PIWIL3: variants seen among roughly 807,000 people sequenced by gnomAD.
PIWIL3 encodes the protein piwi like RNA-mediated gene silencing 3.
PIWIL3 carries 101 observed loss-of-function variants against 109.7 expected under a neutral mutation model. The observed-to-expected ratio is 0.92, with a 90% CI of 0.78 to 1.09. The LOEUF is 1.09. Ranked by LOEUF, PIWIL3 falls within the 50% of genes least tolerant of loss-of-function variation. PIWIL3 has a pLI of 0.00. For synonymous variants in PIWIL3, 373 were observed against 376.4 expected (o/e 0.99, Z 0.10); for missense variants, 1,031 against 1,072.6 (o/e 0.96, Z 0.54).
At chr22:24,760,404 A>G (rs1462402234) in intron 2 of PIWIL3, among the ~76,000 whole-genome samples, 1 of 152,206 alleles carries the variant, frequency 6.6e-6, no homozygotes, top group African/African-American at 2.4e-5. Flanking sequence ...TGAGGCAGCC[A>G]GTGTGGCTGG....
chr22:24,755,934 G>C (rs748001025), intron 5 of PIWIL3, 29 bp from the exon 6 acceptor site: 1 of 1,579,470 alleles, frequency 6.3e-7, no homozygotes, highest in South Asian at 1.1e-5. Context: ...AAAAAAAAAA[G>C]TCCAGATATT....
At chr22:24,728,912 AAAC>A (rs901773949) in intron 14 of PIWIL3, among the ~76,000 whole-genome samples, 1 of 152,182 alleles carries the variant, frequency 6.6e-6, no homozygotes, top group Non-Finnish European at 1.5e-5. Context: ...AAAAAACAAA[AAAC>A]AAAAAACAGT....
chr22:24,734,632 G>A (rs1923548853), intron 13 of PIWIL3, among the ~76,000 whole-genome samples: 1 of 152,134 alleles, frequency 6.6e-6, no homozygotes, highest in Non-Finnish European at 1.5e-5. Context: ...CCCAGTCACA[G>A]GAGGGTCCCC....
chr22:24,752,632 CCA>C (rs1924780649), intron 8 of PIWIL3, among the ~76,000 whole-genome samples: 1 of 152,148 alleles, frequency 6.6e-6, no homozygotes, highest in African/African-American at 2.4e-5. Flanking sequence ...GCTCCTAAAC[CCA>C]CACTTTGTGG....
intron 16 of PIWIL3, among the ~76,000 whole-genome samples, chr22:24,726,441 C>T (rs1321621476): frequency 6.6e-6 from 1 of 152,132 alleles, no homozygotes; most frequent in African/African-American, 2.4e-5. Flanking sequence ...CACCACCATG[C>T]CTGGCTAATT....
In PIWIL3 at chr22:24,762,464, T is replaced by C. The variant is rs770485846; in HGVS notation, c.36A>G (p.Arg12=). The C allele has an allele frequency of 2.5e-6, 4 of 1,613,790 alleles. No individual in the cohort carries two copies. In the African/African-American group the frequency reaches 5.3e-5, roughly 22 times the overall value. The change falls in exon 2 of 21, where the codon AGA becomes AGG. Residue 12 remains arginine (R), a synonymous_variant. Transcript: ENST00000616349. ...PGRARTRARG[R]ARRRESYQQE... ...GTTGGTAGCTCTCCCTGCGGCGGGC[T>C]CTGCCTCGGGCGCGAGTCCTTGCCC...
intron 14 of PIWIL3, among the ~76,000 whole-genome samples, chr22:24,732,629 C>T (rs931131571): frequency 6.6e-6 from 1 of 152,096 alleles, no homozygotes; most frequent in Admixed American, 6.6e-5. Flanking sequence ...CGAGACCATC[C>T]TGGCTAACAC....
Position 24,754,073 on chromosome 22 carries a change from C to T in PIWIL3, c.918G>A (p.Gln306=). ...DFIKRTSAQA[Q]TGNIREEVTN... ...TTACTTCCTCTCGGATGTTTCCTGT[C>T]TGGGCCTGGGCAGATGTTCTCTTTA... The change falls in exon 8 of 21, where the codon CAG becomes CAA. Residue 306 remains glutamine, a synonymous_variant. Transcript: ENST00000616349. 1.2e-6 allele frequency: 2 copies of T among 1,612,994 alleles called. No homozygotes were observed. The highest frequency in any genetic ancestry group is 2.7e-5 in the African/African-American group (2 of 74,996).
At chr22:24,774,030 T>A (rs945988794) in intron 1 of PIWIL3, among the ~76,000 whole-genome samples, 1 of 152,140 alleles carries the variant, frequency 6.6e-6, no homozygotes, top group African/African-American at 2.4e-5. Flanking sequence ...TCTAGATTTT[T>A]AAAATAAATA....
chr22:24,720,165 C>T (rs1012913294), intron 19 of PIWIL3, among the ~76,000 whole-genome samples: 1 of 150,072 alleles, frequency 6.7e-6, no homozygotes, highest in South Asian at 2.1e-4. Flanking sequence ...AAGATTGGCA[C>T]ATTTGATCTG....
chr22:24,751,019 G>C (rs1019266053), intron 9 of PIWIL3, among the ~76,000 whole-genome samples: 20 of 151,962 alleles, frequency 1.3e-4, no homozygotes, highest in African/African-American at 4.8e-4. Context: ...AGCTACTTGG[G>C]AGGCTGAGGC....
chr22:24,753,161 A>G (rs1439167030), intron 8 of PIWIL3, among the ~76,000 whole-genome samples: 2 of 152,194 alleles, frequency 1.3e-5, no homozygotes, highest in East Asian at 1.9e-4. Context: ...GTGAAGCCCA[A>G]TGTATCTATG....
At chr22:24,733,783 G>A (rs945871756) in intron 14 of PIWIL3, among the ~76,000 whole-genome samples, 3 of 151,906 alleles carry the variant, frequency 2.0e-5, no homozygotes, top group South Asian at 2.1e-4. Context: ...TTACACCTGC[G>A]GGTAAAAGTA....
At chr22:24,748,792 A>G (rs528884963) in intron 12 of PIWIL3, 115 bp downstream of exon 12, 2 of 737,036 alleles carry the variant, frequency 2.7e-6, no homozygotes, top group East Asian at 2.7e-5. Flanking sequence ...AGAAAGAATG[A>G]GCAGTCTGAA....
rs868332493 is a variant in PIWIL3, at chr22:24,719,864, G to T, written c.2389C>A (p.Gln797Lys). 2 of 1,611,542 alleles carry T rather than the reference G, an allele frequency of 1.2e-6. No homozygotes were observed. The highest frequency in any genetic ancestry group is 4.5e-5 in the East Asian group (2 of 44,864). Residue 797 changes from glutamine to lysine, a missense_variant, in exon 20 of 21, where the codon CAA becomes AAA. By Grantham distance (53) the Gln-to-Lys change is moderately conservative. Transcript: ENST00000616349. Reference sequence around the variant, plus strand: ...TGAGTGGGGGTAACAGTCCCATCTTGCACAGACTGACTCACAATAAAAAAG... The same window carrying T: ...TGAGTGGGGGTAACAGTCCCATCTTTCACAGACTGACTCACAATAAAAAAG... ...YDFFIVSQSV[Q>K]DGTVTPTHYN...
chr22:24,731,396 T>C (rs1447569715), intron 14 of PIWIL3, among the ~76,000 whole-genome samples: 1 of 152,238 alleles, frequency 6.6e-6, no homozygotes, highest in African/African-American at 2.4e-5. Flanking sequence ...CTCACGCCTG[T>C]TATCCCAGCA....
intron 12 of PIWIL3, among the ~76,000 whole-genome samples, chr22:24,746,108 A>G (rs574569202): frequency 1.3e-4 from 20 of 152,274 alleles, no homozygotes; most frequent in Admixed American, 4.6e-4. Flanking sequence ...TTCATGAAGT[A>G]TTACTAAAAC....
At chr22:24,724,497 C>T (rs999396767) in intron 18 of PIWIL3, among the ~76,000 whole-genome samples, 3 of 151,172 alleles carry the variant, frequency 2.0e-5, no homozygotes, top group South Asian at 2.1e-4. Flanking sequence ...TGCAATGGCG[C>T]GATCTCGGCT....
intron 1 of PIWIL3, among the ~76,000 whole-genome samples, chr22:24,772,221 G>C (rs1226993027): frequency 6.6e-6 from 1 of 152,150 alleles, no homozygotes; most frequent in Non-Finnish European, 1.5e-5. Context: ...ATAAAGAGAA[G>C]TAAATCTTAT....
Sources: gnomAD v4.1 joint callset for allele counts (sites outside exome capture counted in the v4.1 genomes callset) on GRCh38, gnomAD v4.1.1 for gene constraint, MANE v1.5 for transcripts, NCBI Gene and HGNC (gene_info 2026-07-23, HGNC 2026-07-21) for gene names.